STAG1: variants seen among roughly 807,000 people sequenced by gnomAD.
STAG1 encodes the protein STAG1 cohesin complex component.
STAG1 carries 26 observed loss-of-function variants against 170.9 expected under a neutral mutation model. That is an observed-to-expected ratio of 0.15 (90% confidence interval 0.11 to 0.21). The LOEUF is 0.21. Among genes scored for constraint, STAG1 ranks in the 10% least tolerant of loss-of-function variants. The probability of loss-of-function intolerance (pLI) is 1.00; values close to 1 mark genes in which losing one functional copy is unlikely to be tolerated. For missense variants in STAG1, 964 were observed against 1,509.5 expected, an observed-to-expected ratio of 0.64 and a Z score of 5.99; for synonymous variants, 514 against 497.7, an observed-to-expected ratio of 1.03 and a Z score of -0.44.
At chr3:136,372,902 G>C (rs1937422957) in intron 23 of STAG1, among the ~76,000 whole-genome samples, 1 of 152,090 alleles carries the variant, frequency 6.6e-6, no homozygotes, top group South Asian at 2.1e-4. Context: ...TCTATTGATT[G>C]GAATAGTTTC....
At chr3:136,528,597 G>A (rs1451066699) in intron 6 of STAG1, among the ~76,000 whole-genome samples, 1 of 145,094 alleles carries the variant, frequency 6.9e-6, no homozygotes, top group Non-Finnish European at 1.5e-5. Flanking sequence ...ACAATACAGA[G>A]GAGTCAGCAA....
rs542341285 is a variant in STAG1 at position 136,430,924 on chromosome 3, G to A, written c.1650+2632C>T. 2.7e-5 allele frequency among the ~76,000 whole-genome samples: 4 copies of A among 147,050 alleles called. No individual in the cohort carries two copies. The South Asian group carries it at 8.6e-4, about 31-fold the overall frequency. ...TACATTCTTCCTTTTTTTTTTTGGA[G>A]ACAGAGTCTTACTCTGTCACCCAGG... On this transcript the variant is annotated intron_variant, in intron 16 of 33. Coordinates refer to ENST00000383202, the MANE Select transcript of STAG1 (RefSeq NM_005862.3).
intron 1 of STAG1, among the ~76,000 whole-genome samples, chr3:136,748,000 C>A (rs1411424243): frequency 2.6e-5 from 4 of 151,722 alleles, no homozygotes; most frequent in Admixed American, 6.6e-5. Context: ...TGGTCTCGAT[C>A]TCCTGACCTC....
chr3:136,464,002 C>T (rs951714427), intron 13 of STAG1, among the ~76,000 whole-genome samples: 1 of 150,442 alleles, frequency 6.6e-6, no homozygotes, highest in East Asian at 1.9e-4. Flanking sequence ...ACATGTACAT[C>T]CTAAATGTTT....
intron 4 of STAG1, among the ~76,000 whole-genome samples, chr3:136,590,147 G>A (rs1245694331): frequency 6.7e-6 from 1 of 149,518 alleles, no homozygotes; most frequent in African/African-American, 2.5e-5. Flanking sequence ...AAAAATACAT[G>A]TATCTCTGAG....
chr3:136,663,072 T>G (rs1457009151), intron 1 of STAG1, among the ~76,000 whole-genome samples: 2 of 151,754 alleles, frequency 1.3e-5, no homozygotes. Context: ...AATAAAATAG[T>G]AAAATTAAAT....
At chr3:136,554,788 G>A (rs1936541635) in intron 5 of STAG1, among the ~76,000 whole-genome samples, 1 of 152,068 alleles carries the variant, frequency 6.6e-6, no homozygotes, top group South Asian at 2.1e-4. Context: ...CCAGCTACTT[G>A]GGAAGCTGAG....
intron 5 of STAG1, among the ~76,000 whole-genome samples, chr3:136,559,990 A>G (rs956302177): frequency 6.6e-6 from 1 of 152,218 alleles, no homozygotes; most frequent in African/African-American, 2.4e-5. Context: ...TAGTTTGGAC[A>G]TAACAACTTC....
At chr3:136,380,287 G>A (rs1937880452) in intron 22 of STAG1, among the ~76,000 whole-genome samples, 3 of 151,952 alleles carry the variant, frequency 2.0e-5, no homozygotes, top group South Asian at 4.1e-4. Context: ...TGTCACCCAG[G>A]CTGGAGTGCA....
chr3:136,521,146 T>A, intron 7 of STAG1, 67 bp downstream of exon 7: 1 of 1,262,062 alleles, frequency 7.9e-7, no homozygotes, highest in South Asian at 1.3e-5. Flanking sequence ...TCTCATTAAG[T>A]TTGTAATCAG....
At chr3:136,650,256 A>G (rs1941170958) in intron 1 of STAG1, among the ~76,000 whole-genome samples, 1 of 151,584 alleles carries the variant, frequency 6.6e-6, no homozygotes, top group African/African-American at 2.4e-5. Context: ...AAAAAGAGAG[A>G]GAGACAGGAA....
rs1323811285 is a variant in STAG1, at chr3:136,500,287, T to C, written c.838A>G (p.Asn280Asp). ...LLQKRKELQE[N>D]QDEIENMMNS... ...ATCATATTTTCGATTTCATCCTGAT[T>C]TTCTTGCAGCTGAAATGAAAAAATA... Residue 280 changes from asparagine to aspartate, a missense_variant, in exon 9 of 34, where the codon AAT becomes GAT. Coordinates refer to ENST00000383202, the MANE Select transcript of STAG1 (RefSeq NM_005862.3). The C allele has an allele frequency of 1.9e-6, 3 of 1,587,268 alleles. No homozygotes were observed. Among genetic ancestry groups the C allele is most frequent in the Non-Finnish European group, 2.6e-6 (3 of 1,161,224 alleles).
chr3:136,744,318 A>G (rs1934826404), intron 1 of STAG1, among the ~76,000 whole-genome samples: 1 of 152,134 alleles, frequency 6.6e-6, no homozygotes, highest in African/African-American at 2.4e-5. Context: ...CAAGGGCGAA[A>G]CTCCGTCTCC....
intron 15 of STAG1, among the ~76,000 whole-genome samples, chr3:136,435,243 A>G (rs977591149): frequency 2.6e-5 from 4 of 152,254 alleles, no homozygotes; most frequent in Non-Finnish European, 4.4e-5. Context: ...AAGCACGATC[A>G]TAAGTGGCTT....
At chr3:136,633,525 C>T (rs1169029380) in intron 1 of STAG1, among the ~76,000 whole-genome samples, 1 of 151,800 alleles carries the variant, frequency 6.6e-6, no homozygotes, top group African/African-American at 2.4e-5. Flanking sequence ...CATGGTGAAA[C>T]CCCATCTCCA....
In STAG1 at chr3:136,365,242, A is replaced by G. The variant is rs117340462; in HGVS notation, c.2685+1701T>C. Among the ~76,000 whole-genome samples the G allele has an allele frequency of 1.9e-3, 293 of 152,334 alleles. 6 individuals are homozygous for G. In the East Asian group the frequency reaches 0.047, roughly 24 times the overall value. ...TGCCCTTTATTTCCTGCTAAAGAGA[A>G]AACTATATAAAAAGGGTAGGATAAA... On this transcript the variant is annotated intron_variant, in intron 25 of 33. Coordinates refer to ENST00000383202, the MANE Select transcript of STAG1 (RefSeq NM_005862.3).
At chr3:136,549,503 G>A (rs1936298165) in intron 5 of STAG1, among the ~76,000 whole-genome samples, 2 of 152,082 alleles carry the variant, frequency 1.3e-5, no homozygotes, top group Admixed American at 1.3e-4. Flanking sequence ...GTTTCACCAT[G>A]TTGGCCAGGC....
At position 136,520,118 on chromosome 3, in the gene STAG1, T is replaced by C. The variant is rs114744155; in HGVS notation, c.676+1095A>G. Among the ~76,000 whole-genome samples the C allele has an allele frequency of 8.3e-3, 1,262 of 152,260 alleles. 22 individuals are homozygous for C. Among genetic ancestry groups the C allele is most frequent in the African/African-American group, 0.029 (1,196 of 41,554 alleles). On this transcript the variant is annotated intron_variant, in intron 7 of 33. Coordinates refer to ENST00000383202, the MANE Select transcript of STAG1 (RefSeq NM_005862.3). Reference sequence around the variant, plus strand: ...CATATACACAACTCCAGTTATTATCTTATTGGCTTTGGGCAACAGGTTAAG... The same window carrying C: ...CATATACACAACTCCAGTTATTATCCTATTGGCTTTGGGCAACAGGTTAAG...
At chr3:136,405,791 CAAAAAAAAAAAAAAAA>C (rs34952291) in intron 21 of STAG1, among the ~76,000 whole-genome samples, 7 of 50,080 alleles carry the variant, frequency 1.4e-4, no homozygotes, top group East Asian at 6.3e-4. Flanking sequence ...ACTCTATCTC[CAAAAAAAAAAAAAAAA>C]AAAAAAAAAA....
Sources: allele counts gnomAD v4.1 joint callset (sites outside exome capture counted in the v4.1 genomes callset), GRCh38; gene constraint gnomAD v4.1.1; transcripts MANE v1.5; gene names NCBI Gene and HGNC (gene_info 2026-07-23, HGNC 2026-07-21).